The following NRXN1 variants were observed in gnomAD, a reference collection of about 807,000 sequenced individuals.
NRXN1 encodes the protein neurexin-1.
In NRXN1, 39 loss-of-function variants were observed where a neutral mutation model predicts 150.9. The observed-to-expected ratio is 0.26, with a 90% CI of 0.20 to 0.34. NRXN1 has a LOEUF of 0.34. Among genes scored for constraint, NRXN1 ranks in the 10% least tolerant of loss-of-function variants. NRXN1 has a pLI of 1.00. For missense variants in NRXN1, 1,815 were observed against 1,949.9 expected (o/e 0.93, Z 1.30); for synonymous variants, 924 against 757.0 (o/e 1.22, Z -3.62).
At chr2:50,197,053 C>G (rs887397013) in intron 18 of NRXN1, among the ~76,000 whole-genome samples, 2 of 152,072 alleles carry the variant, frequency 1.3e-5, no homozygotes, top group Middle Eastern at 3.2e-3. Flanking sequence ...ACCCCCAAAC[C>G]TAAAATAAAA....
At chr2:50,187,638 T>C (rs1195406212) in intron 18 of NRXN1, among the ~76,000 whole-genome samples, 6 of 152,122 alleles carry the variant, frequency 3.9e-5, no homozygotes, top group East Asian at 1.9e-4. Flanking sequence ...AGAAAGTCAA[T>C]GGTAGCTTCA....
intron 8 of NRXN1, among the ~76,000 whole-genome samples, chr2:50,607,172 C>A (rs1458693286): frequency 1.3e-5 from 2 of 152,072 alleles, no homozygotes; most frequent in Non-Finnish European, 2.9e-5. Flanking sequence ...GTCTGGGACA[C>A]CTCCTTGTTC....
chr2:50,897,233 G>A (rs1574861175), intron 5 of NRXN1, among the ~76,000 whole-genome samples: 1 of 152,296 alleles, frequency 6.6e-6, no homozygotes, highest in East Asian at 1.9e-4. Context: ...TACCACGTAG[G>A]ACTGGTTATG....
At chr2:50,244,129 A>G (rs1199632321) in intron 17 of NRXN1, among the ~76,000 whole-genome samples, 4 of 151,976 alleles carry the variant, frequency 2.6e-5, no homozygotes, top group African/African-American at 9.7e-5. Context: ...AGAATTATAT[A>G]TTCATAAATA....
At chr2:50,668,673 T>C (rs1468866133) in intron 5 of NRXN1, among the ~76,000 whole-genome samples, 1 of 151,998 alleles carries the variant, frequency 6.6e-6, no homozygotes, top group Admixed American at 6.6e-5. Flanking sequence ...TCAAATATCA[T>C]CATTTTGGCG....
chr2:50,412,371 GAC>G (rs199588941), intron 17 of NRXN1, among the ~76,000 whole-genome samples: 2,221 of 151,156 alleles, frequency 0.015, 57 homozygotes, highest in African/African-American at 0.05. Flanking sequence ...ATCTTAAAGA[GAC>G]ATAATTCTCT....
At position 50,846,295 on chromosome 2, in the gene NRXN1, G is replaced by A. The variant is rs1019667372; in HGVS notation, c.832+75574C>T. 5.9e-5 allele frequency among the ~76,000 whole-genome samples: 9 copies of A among 152,216 alleles called. 1 individual carries two copies. The highest frequency in any genetic ancestry group is 9.6e-5 in the African/African-American group (4 of 41,536). On this transcript the variant is annotated intron_variant, in intron 5 of 22. Coordinates refer to ENST00000401669, the MANE Select transcript of NRXN1 (RefSeq NM_001330078.2). ...AGCCACCACAGATCTGCCTTGAATC[G>A]GTATTCTCAAAGTGTCAGGTGTAAG... is the stretch of plus-strand genomic sequence containing the variant.
chr2:51,017,582 C>T (rs1298303282), intron 2 of NRXN1, among the ~76,000 whole-genome samples: 1 of 122,070 alleles, frequency 8.2e-6, no homozygotes, highest in Non-Finnish European at 1.6e-5. Context: ...GTCTGGTACT[C>T]TTGGACTCAA....
chr2:49,973,284 C>A (rs1558613430), intron 21 of NRXN1, among the ~76,000 whole-genome samples: 2 of 151,942 alleles, frequency 1.3e-5, no homozygotes, highest in South Asian at 4.2e-4. Flanking sequence ...TTTCATTATC[C>A]CAGACACGCA....
chr2:50,489,606 A>T (rs1484823870), intron 15 of NRXN1, among the ~76,000 whole-genome samples: 1 of 152,060 alleles, frequency 6.6e-6, no homozygotes, highest in East Asian at 1.9e-4. Context: ...AATCCCCAAG[A>T]TCACTTATAC....
intron 12 of NRXN1, 93 bp from the exon 13 acceptor site, chr2:50,506,710 G>A (rs2092243079): frequency 1.6e-6 from 2 of 1,234,938 alleles, no homozygotes; most frequent in Non-Finnish European, 1.1e-6. Context: ...AAGGGGGGAA[G>A]GTGAGGGAGA....
chr2:50,467,205 C>T (rs1255621781), intron 16 of NRXN1, among the ~76,000 whole-genome samples: 1 of 151,706 alleles, frequency 6.6e-6, no homozygotes. Flanking sequence ...GTATTTTCTA[C>T]ACTTTCACAA....
intron 5 of NRXN1, among the ~76,000 whole-genome samples, chr2:50,695,383 T>C (rs1357980556): frequency 6.6e-6 from 1 of 152,216 alleles, no homozygotes; most frequent in Non-Finnish European, 1.5e-5. Context: ...TCAGATAAGG[T>C]GCATCATATA....
intron 17 of NRXN1, among the ~76,000 whole-genome samples, chr2:50,237,864 G>T (rs376161384): frequency 1.3e-5 from 2 of 152,038 alleles, no homozygotes; most frequent in African/African-American, 4.8e-5. Context: ...GGGCCTGGTG[G>T]AAGGTGATGG....
intron 5 of NRXN1, among the ~76,000 whole-genome samples, chr2:50,651,936 G>A (rs1685699366): frequency 6.6e-6 from 1 of 152,000 alleles, no homozygotes; most frequent in South Asian, 2.1e-4. Flanking sequence ...CTATTTAAAT[G>A]AGCAGGTTAT....
intron 2 of NRXN1, among the ~76,000 whole-genome samples, chr2:50,984,550 T>C (rs1460291069): frequency 6.6e-6 from 1 of 152,026 alleles, no homozygotes; most frequent in Non-Finnish European, 1.5e-5. Flanking sequence ...AGAAATAATT[T>C]TGACTTTTCT....
At chr2:50,205,618 G>T (rs598474) in intron 18 of NRXN1, among the ~76,000 whole-genome samples, 55,596 of 151,804 alleles carry the variant, frequency 0.37, 10,772 homozygotes, top group Non-Finnish European at 0.43. Context: ...TGGACATCAA[G>T]CAGCTAAGCA....
chr2:50,709,722 C>G (rs577988082), intron 5 of NRXN1, among the ~76,000 whole-genome samples: 45 of 152,246 alleles, frequency 3.0e-4, no homozygotes, highest in Middle Eastern at 6.8e-3. Context: ...TTTTGGCCCA[C>G]TGAGTGAGGA....
At chr2:50,028,356 A>G (rs1373504775) in intron 21 of NRXN1, among the ~76,000 whole-genome samples, 2 of 152,336 alleles carry the variant, frequency 1.3e-5, no homozygotes, top group East Asian at 3.9e-4. Context: ...AAGGCATTTT[A>G]AAACAAAAGA....
Sources: allele counts gnomAD v4.1 joint callset (sites outside exome capture counted in the v4.1 genomes callset), GRCh38; gene constraint gnomAD v4.1.1; transcripts MANE v1.5; gene names NCBI Gene and HGNC (gene_info 2026-07-23, HGNC 2026-07-21).